Variants in SV2C observed in about 807,000 individuals in gnomAD.
The protein encoded by SV2C is synaptic vesicle glycoprotein 2C.
A neutral mutation model predicts 79.7 loss-of-function variants in SV2C; 49 were observed. That is an observed-to-expected ratio of 0.61 (90% CI 0.49 to 0.78). The LOEUF is 0.78. Among genes scored for constraint, SV2C ranks in the 30% least tolerant of loss-of-function variants. The pLI, the probability that SV2C is intolerant of heterozygous loss-of-function variation, is 0.00. For synonymous variants in SV2C, 334 were observed against 333.2 expected, an observed-to-expected ratio of 1.00 and a Z score of -0.03; for missense variants, 833 against 912.9, an observed-to-expected ratio of 0.91 and a Z score of 1.13.
intron 1 of SV2C, among the ~76,000 whole-genome samples, chr5:76,093,923 C>T (rs1747461440): frequency 6.6e-6 from 1 of 152,052 alleles, no homozygotes; most frequent in African/African-American, 2.4e-5. Context: ...ATTATATTAC[C>T]CGTTGCCCTA....
At chr5:75,896,895 G>A in the SV2C span, among the ~76,000 whole-genome samples, 3 of 147,034 alleles carry the variant, frequency 2.0e-5, no homozygotes, top group Non-Finnish European at 4.4e-5. Context: ...CATGTCCTTT[G>A]CCCACTTTTT....
At chr5:75,914,196 ATG>A in the SV2C span, among the ~76,000 whole-genome samples, 1 of 152,150 alleles carries the variant, frequency 6.6e-6, no homozygotes, top group Non-Finnish European at 1.5e-5. Context: ...CAAAAACAAA[ATG>A]TGAGTGTAGA....
At chr5:76,139,749 C>T (rs57318290) in intron 2 of SV2C, among the ~76,000 whole-genome samples, 20 of 151,598 alleles carry the variant, frequency 1.3e-4, no homozygotes, top group African/African-American at 3.2e-4. Context: ...GTATACTGGA[C>T]GAAAACAGAG....
At position 76,175,068 on chromosome 5, in the gene SV2C, G is replaced by A. The variant is rs556919582; in HGVS notation, c.581-19851G>A. ...TGAGAGAGGCAGAAGGGGAAGGGAA[G>A]GAGAGGGGGCATGGTGAGAGATACC... On this transcript the variant is annotated intron_variant, in intron 2 of 12. Coordinates refer to ENST00000502798, the MANE Select transcript of SV2C (RefSeq NM_014979.4). 2.0e-5 allele frequency among the ~76,000 whole-genome samples: 3 copies of A among 152,352 alleles called. No homozygotes were observed. In the South Asian group the frequency reaches 6.2e-4, roughly 32 times the overall value.
chr5:76,227,254 C>A (rs1298304686), intron 4 of SV2C, among the ~76,000 whole-genome samples: 2 of 152,198 alleles, frequency 1.3e-5, no homozygotes, highest in Non-Finnish European at 2.9e-5. Context: ...AGCAGCTGGG[C>A]CAGCTCCTTG....
chr5:76,245,491 G>C (rs1745917390), intron 4 of SV2C, among the ~76,000 whole-genome samples: 1 of 152,150 alleles, frequency 6.6e-6, no homozygotes, highest in African/African-American at 2.4e-5. Context: ...CACTTTTATG[G>C]GAGCCTACAA....
intron 3 of SV2C, among the ~76,000 whole-genome samples, chr5:76,199,293 G>T (rs905222): frequency 1.8e-4 from 27 of 152,120 alleles, no homozygotes; most frequent in Non-Finnish European, 1.3e-4. Context: ...GAAAAACTAC[G>T]TGAAATAACA....
At chr5:76,068,909 T>C in the SV2C span, among the ~76,000 whole-genome samples, 1 of 152,188 alleles carries the variant, frequency 6.6e-6, no homozygotes, top group Non-Finnish European at 1.5e-5. Context: ...TCTTATAATA[T>C]GTTGTATACA....
intron 12 of SV2C, among the ~76,000 whole-genome samples, chr5:76,347,065 AG>A (rs1434597592): frequency 1.3e-5 from 2 of 152,146 alleles, no homozygotes; most frequent in East Asian, 1.9e-4. Flanking sequence ...GGGAAAAAAG[AG>A]GGGGGAAAAA....
chr5:75,850,304 G>A, the SV2C span, among the ~76,000 whole-genome samples: 11 of 152,210 alleles, frequency 7.2e-5, no homozygotes, highest in African/African-American at 1.4e-4. Context: ...TACACACACC[G>A]TTCCCGTGAT....
chr5:76,289,286 A>G (rs573774800), intron 6 of SV2C, among the ~76,000 whole-genome samples: 8 of 151,228 alleles, frequency 5.3e-5, no homozygotes, highest in African/African-American at 1.9e-4. Flanking sequence ...AACCCTATTC[A>G]CTCTCCTTAG....
At chr5:76,227,817 C>G (rs10056151) in intron 4 of SV2C, among the ~76,000 whole-genome samples, 135,095 of 152,162 alleles carry the variant, frequency 0.89, 60,236 homozygotes, top group African/African-American at 0.97. Context: ...TTGTGAACTG[C>G]CATTTCCAGA....
chr5:76,223,000 C>T (rs1316745008), intron 4 of SV2C, among the ~76,000 whole-genome samples: 2 of 152,112 alleles, frequency 1.3e-5, no homozygotes, highest in African/African-American at 4.8e-5. Context: ...CAGAGAGCAA[C>T]ACAGAGTTGG....
chr5:76,312,221 C>G (rs1322547692), intron 12 of SV2C, among the ~76,000 whole-genome samples: 1 of 151,426 alleles, frequency 6.6e-6, no homozygotes, highest in Admixed American at 6.6e-5. Context: ...CCCCTGCTCA[C>G]ATTTCCTGTG....
At chr5:75,898,562 T>C in the SV2C span, among the ~76,000 whole-genome samples, 1 of 152,216 alleles carries the variant, frequency 6.6e-6, no homozygotes, top group Non-Finnish European at 1.5e-5. Flanking sequence ...GCCTTTGGTA[T>C]CAGGATGATG....
intron 4 of SV2C, among the ~76,000 whole-genome samples, chr5:76,244,091 G>A (rs1255424083): frequency 6.6e-6 from 1 of 152,138 alleles, no homozygotes; most frequent in Non-Finnish European, 1.5e-5. Context: ...TCCTTACACT[G>A]ATTTATAACA....
At chr5:76,319,214 C>T (rs1032408333) in intron 12 of SV2C, among the ~76,000 whole-genome samples, 5 of 151,086 alleles carry the variant, frequency 3.3e-5, no homozygotes, top group African/African-American at 1.2e-4. Flanking sequence ...AGTTCAAGAA[C>T]ACCCTGGGCA....
At chr5:75,896,234 C>T in the SV2C span, among the ~76,000 whole-genome samples, 1 of 131,764 alleles carries the variant, frequency 7.6e-6, no homozygotes, top group African/African-American at 2.8e-5. Flanking sequence ...CCACAACAGT[C>T]CCCAGAGTGT....
intron 4 of SV2C, among the ~76,000 whole-genome samples, chr5:76,278,081 A>C (rs1395780597): frequency 6.6e-6 from 1 of 152,252 alleles, no homozygotes; most frequent in Non-Finnish European, 1.5e-5. Flanking sequence ...TTTGCTGTTT[A>C]GTGTAGATTC....
Sources: allele counts gnomAD v4.1 joint callset (sites outside exome capture counted in the v4.1 genomes callset), GRCh38; gene constraint gnomAD v4.1.1; transcripts MANE v1.5; gene names NCBI Gene and HGNC (gene_info 2026-07-23, HGNC 2026-07-21).